GNAL: variants seen among roughly 807,000 people sequenced by gnomAD.
GNAL encodes the protein guanine nucleotide-binding protein G(olf) subunit alpha.
GNAL carries 18 observed loss-of-function variants against 55.1 expected under a neutral mutation model. That is an observed-to-expected ratio of 0.33 (90% CI 0.23 to 0.48). The LOEUF is 0.48. GNAL is among the 20% of genes least tolerant of loss of function. GNAL has a pLI of 0.99. For synonymous variants in GNAL, 253 were observed against 237.0 expected (o/e 1.07, Z -0.62); for missense variants, 412 against 614.1 (o/e 0.67, Z 3.48).
At chr18:11,875,641 A>G (rs2036513269) in intron 10 of GNAL, among the ~76,000 whole-genome samples, 1 of 152,120 alleles carries the variant, frequency 6.6e-6, no homozygotes, top group African/African-American at 2.4e-5. Flanking sequence ...ATCTTCTGCC[A>G]TGATTGGAAG....
chr18:11,875,721 G>A (rs959056248), intron 10 of GNAL, among the ~76,000 whole-genome samples: 4 of 152,312 alleles, frequency 2.6e-5, no homozygotes, highest in East Asian at 3.9e-4. Flanking sequence ...GCAGAACCAT[G>A]AGCCAATTAA....
At chr18:11,880,859 T>TAAGTGCTCC in intron 11 of GNAL, 130 bp from the exon 12 acceptor site, 1 of 903,714 alleles carries the variant, frequency 1.1e-6, no homozygotes, top group Non-Finnish European at 1.7e-6. Context: ...TTCCTGCCTC[T>TAAGTGCTCC]AAGTGCTCCC....
chr18:11,752,322 C>T lies in GNAL; in HGVS notation c.377-531C>T. On this transcript the variant is annotated intron_variant, in intron 1 of 11. Coordinates refer to ENST00000334049, the MANE Select transcript of GNAL (RefSeq NM_182978.4). This position sits in a 1 kb window ranked among gnomAD's most constrained non-coding sequence, Gnocchi z 4.5. ...AAACACCGAAGAGACCAGACCATCTCTTTCAGCAGCAGGAAAGAGAGGAGC... is the reference window on the plus strand; with the variant it reads ...AAACACCGAAGAGACCAGACCATCTTTTTCAGCAGCAGGAAAGAGAGGAGC... 2 of 1,477,868 alleles carry T rather than the reference C, an allele frequency of 1.4e-6. No individual in the cohort carries two copies. Among genetic ancestry groups the T allele is most frequent in the Non-Finnish European group, 1.8e-6 (2 of 1,119,438 alleles). 91.5% of individuals were successfully genotyped at this position (1,477,868 alleles called of 1,614,324 possible).
chr18:11,765,706 C>T (rs866127481), intron 4 of GNAL, among the ~76,000 whole-genome samples: 44 of 152,312 alleles, frequency 2.9e-4, no homozygotes, highest in Middle Eastern at 3.4e-3. Flanking sequence ...ACACAATGTT[C>T]GTTCTATCCA....
In GNAL at chr18:11,881,146, G is replaced by A. The variant is rs755679575; in HGVS notation, c.*11G>A. On this transcript the variant is annotated 3_prime_UTR_variant, in exon 12 of 12. Coordinates refer to ENST00000334049, the MANE Select transcript of GNAL (RefSeq NM_182978.4). This position sits in a 1 kb window ranked among gnomAD's most constrained non-coding sequence, Gnocchi z 4.8. ...TATGAGCTCTTGTGAGGATGCTGCC[G>A]CCACCCTGCGACGGAGCGGCGCCCC... 29 of 1,597,574 alleles carry A rather than the reference G, an allele frequency of 1.8e-5. No individual in the cohort carries two copies. Among genetic ancestry groups the A allele is most frequent in the Admixed American group, 8.6e-5 (5 of 58,434 alleles).
intron 6 of GNAL, among the ~76,000 whole-genome samples, chr18:11,864,015 T>G (rs994659472): frequency 1.3e-5 from 2 of 152,064 alleles, no homozygotes; most frequent in African/African-American, 2.4e-5. Context: ...TTATCAGGTC[T>G]CTTGGGGCCA....
At chr18:11,851,180 G>A (rs1567891629) in intron 5 of GNAL, among the ~76,000 whole-genome samples, 1 of 152,234 alleles carries the variant, frequency 6.6e-6, no homozygotes, top group Non-Finnish European at 1.5e-5. Flanking sequence ...TAATTTTTGT[G>A]AATTGACTAA....
intron 4 of GNAL, among the ~76,000 whole-genome samples, chr18:11,798,300 G>GTTCATTATA (rs1359743769): frequency 6.6e-6 from 1 of 152,190 alleles, no homozygotes; most frequent in Non-Finnish European, 1.5e-5. Context: ...TGTAAAACAT[G>GTTCATTATA]TTCATTATAT....
Position 11,827,355 on chromosome 18 carries a change from G to A in GNAL, c.722+2340G>A, listed in dbSNP as rs571563678. Among the ~76,000 whole-genome samples, 7 of 152,330 alleles carry A rather than the reference G, an allele frequency of 4.6e-5. No individual in the cohort carries two copies. The South Asian group carries it at 1.5e-3, about 32-fold the overall frequency. On this transcript the variant is annotated intron_variant, in intron 5 of 11. Coordinates refer to ENST00000334049, the MANE Select transcript of GNAL (RefSeq NM_182978.4). ...TGGCCGGGCATGATGGCTCATGCCT[G>A]TAATCCCAGCACTTTGGTAGGCCGA...
rs946191719 is a variant in GNAL at position 11,752,685 on chromosome 18, T to C, written c.377-168T>C. The C allele has an allele frequency of 1.3e-5, 17 of 1,280,004 alleles. No homozygotes were observed. In the African/African-American group the frequency reaches 2.5e-4, roughly 19 times the overall value. 79.3% of individuals were successfully genotyped at this position (1,280,004 alleles called of 1,614,324 possible). A position where few individuals can be genotyped will look rare whatever the true frequency, so the allele number is the denominator to read the frequency against. ...GGGCCGGGCGAGGGTCGCGCGCACCTCTGGGCCGCGGAGCCCAGACGGCGG... is the reference window on the plus strand; with the variant it reads ...GGGCCGGGCGAGGGTCGCGCGCACCCCTGGGCCGCGGAGCCCAGACGGCGG... On this transcript the variant is annotated intron_variant, in intron 1 of 11. Transcript: ENST00000334049. The surrounding 1 kb of genome is among the most constrained non-coding windows in gnomAD (Gnocchi z 4.5).
intron 5 of GNAL, chr18:11,851,644 A>G (rs577828370): frequency 3.1e-6 from 5 of 1,614,042 alleles, no homozygotes; most frequent in Middle Eastern, 1.6e-4. Flanking sequence ...GAAGGGCAAC[A>G]TGGAAGTTGC....
At chr18:11,770,166 C>A (rs2033589150) in intron 4 of GNAL, among the ~76,000 whole-genome samples, 1 of 151,986 alleles carries the variant, frequency 6.6e-6, no homozygotes. Context: ...GTGAGTTGTA[C>A]ATTTTTAATT....
intron 5 of GNAL, among the ~76,000 whole-genome samples, chr18:11,859,854 T>C (rs564944072): frequency 1.1e-4 from 16 of 152,140 alleles, no homozygotes; most frequent in African/African-American, 3.9e-4. Flanking sequence ...CAAGCGATTC[T>C]CCTGCCTCAG....
At chr18:11,691,482 A>C (rs375300029) in intron 1 of GNAL, among the ~76,000 whole-genome samples, 2 of 149,528 alleles carry the variant, frequency 1.3e-5, no homozygotes, top group Non-Finnish European at 3.0e-5. Flanking sequence ...CCATTTGTCA[A>C]TTTTGGCTTT....
At chr18:11,833,485 G>A (rs1489316977) in intron 5 of GNAL, 1 of 152,204 alleles carries the variant, frequency 6.6e-6, no homozygotes, top group Non-Finnish European at 1.5e-5. Context: ...CCTGTTACAT[G>A]TTTCTTTTAT....
intron 5 of GNAL, chr18:11,854,219 A>G (rs1163902481): frequency 6.0e-6 from 1 of 167,132 alleles, no homozygotes; most frequent in Non-Finnish European, 1.5e-5. Context: ...TATAATGCAC[A>G]TATTCCCAAC....
intron 4 of GNAL, among the ~76,000 whole-genome samples, chr18:11,815,223 C>T (rs2034924718): frequency 6.6e-6 from 1 of 152,048 alleles, no homozygotes; most frequent in Non-Finnish European, 1.5e-5. Context: ...ATTGAAGCAC[C>T]ACATTATACC....
intron 4 of GNAL, among the ~76,000 whole-genome samples, chr18:11,808,064 C>G (rs150184320): frequency 6.6e-5 from 10 of 150,522 alleles, no homozygotes; most frequent in Non-Finnish European, 1.2e-4. Flanking sequence ...TGTCCCTACT[C>G]TACCCTCACA....
rs2033512945 is a variant in GNAL at position 11,768,961 on chromosome 18, ATAATATAT to A, written c.624+15019_624+15026del. Among the ~76,000 whole-genome samples, 3 of 102,892 alleles carry A rather than the reference ATAATATAT, an allele frequency of 2.9e-5. 1 individual carries two copies. The highest frequency in any genetic ancestry group is 1.0e-4 in the African/African-American group (2 of 19,320). 67.5% of individuals were successfully genotyped at this position (102,892 alleles called of 152,430 possible). ...TTATATATATTACTATATGTTATAT[ATAATATAT>A]TATATATATTATATATTCTATATTA... is the stretch of plus-strand genomic sequence containing the variant. On this transcript the variant is annotated intron_variant, in intron 4 of 11. Transcript: ENST00000334049.
Sources: gnomAD v4.1 joint callset for allele counts (sites outside exome capture counted in the v4.1 genomes callset) on GRCh38, gnomAD v4.1.1 for gene constraint, Gnocchi (gnomAD v3.1) non-coding constraint, MANE v1.5 for transcripts, NCBI Gene and HGNC (gene_info 2026-07-23, HGNC 2026-07-21) for gene names.